Variants in PNPT1 observed in about 807,000 individuals in gnomAD.
PNPT1 encodes polyribonucleotide nucleotidyltransferase 1, also known as polyribonucleotide nucleotidyltransferase 1, mitochondrial.
In PNPT1, 53 loss-of-function variants were observed where a neutral mutation model predicts 119.5. That is an observed-to-expected ratio of 0.44 (90% CI 0.36 to 0.56). The LOEUF (loss-of-function observed/expected upper bound fraction) is 0.56, where lower values mean the gene tolerates loss of function less well. PNPT1 is among the 20% of genes least tolerant of loss of function. PNPT1 has a pLI of 0.00. For missense variants in PNPT1, 948 were observed against 938.5 expected, an observed-to-expected ratio of 1.01 and a Z score of -0.13; for synonymous variants, 357 against 322.1, an observed-to-expected ratio of 1.11 and a Z score of -1.16.
chr2:55,639,795 G>T (rs1360156005), intron 26 of PNPT1, among the ~76,000 whole-genome samples: 5 of 151,998 alleles, frequency 3.3e-5, no homozygotes, highest in African/African-American at 1.2e-4. Flanking sequence ...TCATGTTGAG[G>T]AGTTCTCCAC....
At chr2:55,692,969 G>C (rs1019692947) in intron 1 of PNPT1, among the ~76,000 whole-genome samples, 1 of 151,620 alleles carries the variant, frequency 6.6e-6, no homozygotes, top group African/African-American at 2.4e-5. Context: ...CCCTGTCACT[G>C]TCTCTCTCTC....
chr2:55,668,146 C>T (rs541853069), intron 11 of PNPT1, among the ~76,000 whole-genome samples, 188 bp from the exon 12 acceptor site: 6 of 152,202 alleles, frequency 3.9e-5, no homozygotes, highest in Non-Finnish European at 8.8e-5. Context: ...ACATCAAGTA[C>T]CAAGTACTAC....
At chr2:55,655,947 A>G (rs1291850745) in intron 17 of PNPT1, among the ~76,000 whole-genome samples, 184 bp downstream of exon 17, 1 of 152,230 alleles carries the variant, frequency 6.6e-6, no homozygotes, top group Non-Finnish European at 1.5e-5. Flanking sequence ...TATTGCTTTC[A>G]AAACAACTCA....
At chr2:55,679,933 C>A (rs1198167742) in intron 7 of PNPT1, 138 bp from the exon 8 acceptor site, 4 of 619,444 alleles carry the variant, frequency 6.5e-6, no homozygotes, top group Non-Finnish European at 1.1e-5. Context: ...ATTTAAGACC[C>A]ACAGAACATC....
chr2:55,688,763 C>CA lies in PNPT1; in HGVS notation c.162-1059dup, dbSNP rs1386970741. Among the ~76,000 whole-genome samples, 281 of 151,374 alleles carry CA rather than the reference C, an allele frequency of 1.9e-3. 1 individual carries two copies. Among genetic ancestry groups the CA allele is most frequent in the African/African-American group, 5.8e-3 (239 of 41,228 alleles). ...AACAAAACAACAACAACAACAACAA[C>CA]AACAAAAAACTTTAGAATTTCTCCC... On this transcript the variant is annotated intron_variant, in intron 1 of 27. Coordinates refer to ENST00000447944, the MANE Select transcript of PNPT1 (RefSeq NM_033109.5).
intron 22 of PNPT1, 170 bp from the exon 23 acceptor site, chr2:55,644,890 A>T: frequency 2.2e-6 from 1 of 460,246 alleles, no homozygotes; most frequent in Non-Finnish European, 3.8e-6. Context: ...GTTAAAGAAT[A>T]TTCCCTAAAA....
intron 25 of PNPT1, among the ~76,000 whole-genome samples, chr2:55,642,054 C>T (rs1321656971): frequency 6.6e-6 from 1 of 152,006 alleles, no homozygotes; most frequent in Non-Finnish European, 1.5e-5. Flanking sequence ...GTTGGTCAGG[C>T]TGCTCTCGAA....
intron 13 of PNPT1, among the ~76,000 whole-genome samples, chr2:55,664,572 AAAAAC>A (rs1696677517): frequency 6.6e-6 from 1 of 152,238 alleles, no homozygotes. Flanking sequence ...TTAAAATTCT[AAAAAC>A]AATTCAATTC....
chr2:55,641,626 TC>T lies in PNPT1; in HGVS notation c.2070-922del, dbSNP rs1695836342. On this transcript the variant is annotated intron_variant, in intron 25 of 27. Coordinates refer to ENST00000447944, the MANE Select transcript of PNPT1 (RefSeq NM_033109.5). ...ACTTATTTCATTAAAAAACTAATCT[TC>T]CCTTTTTTCTCTAATCTATGAAAAT... Among the ~76,000 whole-genome samples, 3 of 152,176 alleles carry T rather than the reference TC, an allele frequency of 2.0e-5. No homozygotes were observed. The South Asian group carries it at 6.2e-4, about 31-fold the overall frequency.
At chr2:55,692,979 C>T (rs1697668674) in intron 1 of PNPT1, among the ~76,000 whole-genome samples, 1 of 152,166 alleles carries the variant, frequency 6.6e-6, no homozygotes, top group Admixed American at 6.6e-5. Flanking sequence ...GTCTCTCTCT[C>T]TCCCCTGCCT....
intron 25 of PNPT1, among the ~76,000 whole-genome samples, chr2:55,641,109 A>T (rs370302139): frequency 6.6e-6 from 1 of 151,988 alleles, no homozygotes; most frequent in Admixed American, 6.6e-5. Context: ...CTGTAATCCC[A>T]GCTACTCAGG....
At chr2:55,665,885 G>A (rs1330737874) in intron 13 of PNPT1, among the ~76,000 whole-genome samples, 3 of 152,088 alleles carry the variant, frequency 2.0e-5, no homozygotes, top group Non-Finnish European at 2.9e-5. Flanking sequence ...TACAGATGTA[G>A]GTAAATATTA....
intron 14 of PNPT1, among the ~76,000 whole-genome samples, chr2:55,661,163 T>A (rs887451889): frequency 1.4e-5 from 2 of 146,152 alleles, no homozygotes; most frequent in African/African-American, 2.6e-5. Context: ...AGTGGTGTGA[T>A]CTCACTGCAA....
rs377391931 is a variant in PNPT1 at position 55,669,396 on chromosome 2, T to A, written c.977-1438A>T. On this transcript the variant is annotated intron_variant, in intron 11 of 27. Coordinates refer to ENST00000447944, the MANE Select transcript of PNPT1 (RefSeq NM_033109.5). ...AGTACTATTCTCTCATGTGTATGGT[T>A]TATTAAACATAACTTCAAAGTAACC... 5.3e-5 allele frequency among the ~76,000 whole-genome samples: 8 copies of A among 152,342 alleles called. No individual in the cohort carries two copies. In the East Asian group the frequency reaches 5.8e-4, roughly 11 times the overall value.
rs567215865 is a variant in PNPT1, at chr2:55,680,003, TC to T, written c.566-209del. On this transcript the variant is annotated intron_variant, in intron 7 of 27. Transcript: ENST00000447944. ...CTCTGAATTGCTGAAATATACCACT[TC>T]TTCCACACCTCTGGGATTATGCTCA... Among the ~76,000 whole-genome samples, 110 of 152,258 alleles carry T rather than the reference TC, an allele frequency of 7.2e-4. No homozygotes were observed. In the Middle Eastern group the frequency reaches 0.01, roughly 14 times the overall value.
intron 13 of PNPT1, among the ~76,000 whole-genome samples, chr2:55,662,880 ATTTT>A (rs35015796): frequency 1.4e-5 from 2 of 140,478 alleles, no homozygotes; most frequent in Admixed American, 7.1e-5. Flanking sequence ...CAGACAAAAG[ATTTT>A]TTTTTTTTTT....
At position 55,636,411 on chromosome 2, in the gene PNPT1, T is replaced by C. The variant is rs1487801608; in HGVS notation, c.2197-19A>G. ...ATTTCACCTGTGTTAAAGAAACAGA[T>C]CTTCCTTTAAAGTTACAGCACATTG... is the stretch of plus-strand genomic sequence containing the variant. On this transcript the variant is annotated intron_variant, in intron 27 of 27. Coordinates refer to ENST00000447944, the MANE Select transcript of PNPT1 (RefSeq NM_033109.5). 1 of 1,612,156 alleles carries C rather than the reference T, an allele frequency of 6.2e-7. No homozygotes were observed. The highest frequency in any genetic ancestry group is 1.1e-5 in the South Asian group (1 of 90,830).
intron 18 of PNPT1, among the ~76,000 whole-genome samples, chr2:55,648,638 A>T (rs746282371): frequency 2.0e-5 from 3 of 152,178 alleles, no homozygotes; most frequent in Non-Finnish European, 4.4e-5. Flanking sequence ...CTCCCTGTTC[A>T]TGGCCTTCAA....
At chr2:55,685,548 T>G (rs1697380019) in intron 3 of PNPT1, among the ~76,000 whole-genome samples, 2 of 152,112 alleles carry the variant, frequency 1.3e-5, no homozygotes. Context: ...AAAAAAAGTC[T>G]TCTACTCAAC....
Sources: allele counts gnomAD v4.1 joint callset (sites outside exome capture counted in the v4.1 genomes callset), GRCh38; gene constraint gnomAD v4.1.1; transcripts MANE v1.5; gene names NCBI Gene and HGNC (gene_info 2026-07-23, HGNC 2026-07-21).